Variants in ZNF644 observed in about 807,000 individuals in gnomAD.
ZNF644 encodes the protein zinc finger protein 644, also known as zinc finger motif enhancer binding protein 2.
In ZNF644, 20 loss-of-function variants were observed where a neutral mutation model predicts 108.0. That is an observed-to-expected ratio of 0.19 (90% CI 0.13 to 0.27). The LOEUF is 0.27. Among genes scored for constraint, ZNF644 ranks in the 10% least tolerant of loss-of-function variants. The pLI is 1.00. For synonymous variants in ZNF644, 542 were observed against 539.1 expected (o/e 1.01, Z -0.08); for missense variants, 1,338 against 1,548.9 (o/e 0.86, Z 2.29).
chr1:90,938,002 A>G lies in ZNF644; in HGVS notation c.3171T>C (p.Val1057=). ...TTCCAAGTCTTTTCAAGTGGCCTCT[A>G]ACATGATTTGATAATCCAATTTTAG... is the stretch of plus-strand genomic sequence containing the variant. ...FDTKIGLSNH[V]RGHLKRLGKT... The change falls in exon 4 of 6, where the codon GTT becomes GTC. Residue 1057 remains valine (V), a synonymous_variant. Transcript: ENST00000337393. The surrounding 1 kb of genome is among the most constrained non-coding windows in gnomAD (Gnocchi z 4.2). The G allele has an allele frequency of 6.2e-7, 1 of 1,611,550 alleles. No homozygotes were observed. The highest frequency in any genetic ancestry group is 2.2e-5 in the East Asian group (1 of 44,864).
At chr1:90,980,517 TA>T (rs1477596340) in intron 2 of ZNF644, among the ~76,000 whole-genome samples, 1 of 151,666 alleles carries the variant, frequency 6.6e-6, no homozygotes, top group Admixed American at 6.6e-5. Context: ...AGGAAAAGAG[TA>T]TAAAAAAGTT....
chr1:91,013,122 G>C (rs1426494411), intron 1 of ZNF644, among the ~76,000 whole-genome samples: 1 of 151,864 alleles, frequency 6.6e-6, no homozygotes, highest in Non-Finnish European at 1.5e-5. Flanking sequence ...CGCCCAGGTG[G>C]GGATGCAGTG....
chr1:91,019,308 A>G (rs1660687413), intron 1 of ZNF644, among the ~76,000 whole-genome samples: 1 of 152,174 alleles, frequency 6.6e-6, no homozygotes, highest in African/African-American at 2.4e-5. Flanking sequence ...GAAAGACACC[A>G]TTATTTTCAG....
intron 2 of ZNF644, among the ~76,000 whole-genome samples, chr1:90,957,697 T>G (rs1653888916): frequency 6.6e-6 from 1 of 152,092 alleles, no homozygotes; most frequent in South Asian, 2.1e-4. Flanking sequence ...AGACAAGTTT[T>G]TCCCCTAATA....
intron 4 of ZNF644, among the ~76,000 whole-genome samples, chr1:90,928,463 G>A (rs896336718): frequency 5.3e-5 from 8 of 151,702 alleles, no homozygotes; most frequent in South Asian, 2.1e-4. Flanking sequence ...GATTACAGGC[G>A]CATACCACCA....
chr1:90,996,903 T>C (rs1658198659), intron 1 of ZNF644, among the ~76,000 whole-genome samples: 1 of 152,190 alleles, frequency 6.6e-6, no homozygotes, highest in African/African-American at 2.4e-5. Flanking sequence ...GGTGGTCTCC[T>C]GGAAGGCTCT....
chr1:90,962,790 C>A (rs760846385), intron 2 of ZNF644, among the ~76,000 whole-genome samples: 6 of 152,024 alleles, frequency 3.9e-5, no homozygotes, highest in Non-Finnish European at 7.4e-5. Context: ...AAATGTCCCA[C>A]CCAGATGGTG....
chr1:90,920,170 C>T lies in ZNF644; in HGVS notation c.3689-2016G>A, dbSNP rs1022327412. On this transcript the variant is annotated intron_variant, in intron 4 of 5. Transcript: ENST00000337393. ...ATTCTTTCCATCTGTAAAGATGGATCCTTGTCTGTGTTAGGCAGAATAGAG... is the reference window on the plus strand; with the variant it reads ...ATTCTTTCCATCTGTAAAGATGGATTCTTGTCTGTGTTAGGCAGAATAGAG... 2.0e-5 allele frequency among the ~76,000 whole-genome samples: 3 copies of T among 151,912 alleles called. No individual in the cohort carries two copies. The East Asian group carries it at 5.8e-4, about 29-fold the overall frequency.
chr1:90,924,616 A>G (rs1649808646), intron 4 of ZNF644, among the ~76,000 whole-genome samples: 1 of 152,156 alleles, frequency 6.6e-6, no homozygotes, highest in African/African-American at 2.4e-5. Context: ...TCACAACAAT[A>G]TATTAGTAAA....
intron 2 of ZNF644, among the ~76,000 whole-genome samples, chr1:90,951,772 T>C (rs1361348866): frequency 6.6e-6 from 1 of 152,188 alleles, no homozygotes; most frequent in Non-Finnish European, 1.5e-5. Context: ...CCTCCTCTAA[T>C]ACTAAGTTTC....
At chr1:90,997,383 A>G (rs1454201820) in intron 1 of ZNF644, among the ~76,000 whole-genome samples, 1 of 152,160 alleles carries the variant, frequency 6.6e-6, no homozygotes, top group African/African-American at 2.4e-5. Flanking sequence ...AAGCCAACTG[A>G]GCAGAGATTT....
intron 1 of ZNF644, among the ~76,000 whole-genome samples, chr1:90,999,117 C>G (rs1056361086): frequency 6.6e-6 from 1 of 152,244 alleles, no homozygotes; most frequent in Non-Finnish European, 1.5e-5. Flanking sequence ...GGAAAACACT[C>G]TGCAGGATAT....
chr1:91,002,163 A>G (rs987206153), intron 1 of ZNF644, among the ~76,000 whole-genome samples: 9 of 152,184 alleles, frequency 5.9e-5, no homozygotes, highest in African/African-American at 2.2e-4. Flanking sequence ...TTCTTCACAG[A>G]ACTGGAAAAA....
intron 1 of ZNF644, among the ~76,000 whole-genome samples, chr1:90,982,934 C>T (rs1656710670): frequency 6.6e-6 from 1 of 151,804 alleles, no homozygotes; most frequent in Admixed American, 6.6e-5. Context: ...ATCAATACTC[C>T]CCATCTTCAA....
intron 4 of ZNF644, among the ~76,000 whole-genome samples, chr1:90,925,200 C>A (rs890244794): frequency 2.0e-5 from 3 of 152,158 alleles, no homozygotes; most frequent in African/African-American, 7.2e-5. Context: ...CTCATGCCCC[C>A]CACTGGGGGG....
chr1:90,965,899 G>C (rs1654817980), intron 2 of ZNF644, among the ~76,000 whole-genome samples: 1 of 152,074 alleles, frequency 6.6e-6, no homozygotes. Flanking sequence ...ACAGGCGCCA[G>C]CCACCACACC....
intron 4 of ZNF644, 118 bp from the exon 5 acceptor site, chr1:90,918,272 C>CGGCGGATCACGAGGTCAGG: frequency 1.3e-6 from 1 of 800,002 alleles, no homozygotes; most frequent in Non-Finnish European, 2.1e-6. Context: ...AGTCCGCATT[C>CGGCGGATCACGAGGTCAGG]ATTTCCCTAT....
chr1:90,922,322 C>T (rs753077320), intron 4 of ZNF644, among the ~76,000 whole-genome samples: 1 of 152,056 alleles, frequency 6.6e-6, no homozygotes. Context: ...GGTATCTATA[C>T]CCAAAGTAAG....
intron 2 of ZNF644, among the ~76,000 whole-genome samples, chr1:90,957,348 T>C (rs140802868): frequency 5.7e-4 from 87 of 152,100 alleles, no homozygotes; most frequent in Non-Finnish European, 1.0e-3. Context: ...ACTACAAATA[T>C]CCATTATGAA....
Sources: allele counts gnomAD v4.1 joint callset (sites outside exome capture counted in the v4.1 genomes callset), GRCh38; gene constraint gnomAD v4.1.1; non-coding constraint Gnocchi (gnomAD v3.1); transcripts MANE v1.5; gene names NCBI Gene and HGNC (gene_info 2026-07-23, HGNC 2026-07-21).